The following ZFAT variants were observed in gnomAD, a reference collection of about 807,000 sequenced individuals.
ZFAT encodes the protein zinc finger and AT-hook domain containing, also known as zinc finger protein ZFAT.
A neutral mutation model predicts 117.7 loss-of-function variants in ZFAT; 64 were observed. The observed-to-expected ratio is 0.54, with a 90% CI of 0.44 to 0.67. The LOEUF (loss-of-function observed/expected upper bound fraction) is 0.67, where lower values mean the gene tolerates loss of function less well. ZFAT is among the 30% of genes least tolerant of loss of function. The pLI is 0.00. For missense variants in ZFAT, 1,433 were observed against 1,584.5 expected, an observed-to-expected ratio of 0.90 and a Z score of 1.62; for synonymous variants, 679 against 615.0, an observed-to-expected ratio of 1.10 and a Z score of -1.54.
At chr8:134,550,310 GAAAAAAAAAAAA>G (rs10680896) in intron 11 of ZFAT, among the ~76,000 whole-genome samples, 5 of 72,534 alleles carry the variant, frequency 6.9e-5, no homozygotes, top group Non-Finnish European at 1.0e-4. Flanking sequence ...GGTCACAACG[GAAAAAAAAAAAA>G]AAAAAAAAAA....
At chr8:134,832,049 AGCGCCCC>A in the ZFAT span, among the ~76,000 whole-genome samples, 43 of 147,854 alleles carry the variant, frequency 2.9e-4, no homozygotes, top group African/African-American at 9.4e-4. Flanking sequence ...TCCCGCTCCC[AGCGCCCC>A]GCGCCCCGAG....
chr8:134,547,809 G>A (rs1326266905), intron 11 of ZFAT, among the ~76,000 whole-genome samples: 3 of 152,190 alleles, frequency 2.0e-5, no homozygotes, highest in Admixed American at 6.5e-5. Context: ...CATCCTCCAG[G>A]GCCTGGCTCA....
intron 1 of ZFAT, among the ~76,000 whole-genome samples, chr8:134,672,722 A>G (rs1832620220): frequency 6.6e-6 from 1 of 152,346 alleles, no homozygotes; most frequent in South Asian, 2.1e-4. Flanking sequence ...GAAATGGCAC[A>G]ACATTTTTCA....
chr8:134,534,461 T>A (rs990430498), intron 11 of ZFAT, among the ~76,000 whole-genome samples: 12 of 152,190 alleles, frequency 7.9e-5, no homozygotes, highest in African/African-American at 2.9e-4. Context: ...TGTCCTCTCA[T>A]CTTTGAAGCT....
chr8:134,830,310 T>G, the ZFAT span, among the ~76,000 whole-genome samples: 2 of 152,304 alleles, frequency 1.3e-5, no homozygotes, highest in Non-Finnish European at 1.5e-5. Flanking sequence ...AGGAGCAAGA[T>G]GTAAAAGAGA....
chr8:134,575,652 A>G (rs571115988), intron 10 of ZFAT, among the ~76,000 whole-genome samples: 1 of 152,260 alleles, frequency 6.6e-6, no homozygotes, highest in Admixed American at 6.5e-5. Context: ...ACTGTTCAAG[A>G]CTGTTCAGGC....
intron 3 of ZFAT, among the ~76,000 whole-genome samples, chr8:134,613,785 T>C (rs1828524478): frequency 6.6e-6 from 1 of 152,170 alleles, no homozygotes; most frequent in Non-Finnish European, 1.5e-5. Context: ...ACCGCCTCTC[T>C]TCCTCAGCTG....
chr8:134,606,484 G>C (rs949693420), intron 5 of ZFAT, among the ~76,000 whole-genome samples: 2 of 152,178 alleles, frequency 1.3e-5, no homozygotes, highest in Non-Finnish European at 2.9e-5. Flanking sequence ...GGAGGCCAAG[G>C]CTGGTGGATA....
At chr8:134,606,718 ACT>A (rs2130951874) in intron 5 of ZFAT, among the ~76,000 whole-genome samples, 1 of 146,622 alleles carries the variant, frequency 6.8e-6, no homozygotes, top group East Asian at 2.0e-4. Context: ...ACAGAGTGAG[ACT>A]CTGTCTCAGA....
At chr8:134,504,503 C>T (rs1167842731) in intron 15 of ZFAT, among the ~76,000 whole-genome samples, 1 of 152,120 alleles carries the variant, frequency 6.6e-6, no homozygotes, top group Non-Finnish European at 1.5e-5. Flanking sequence ...GAGGCCAAGA[C>T]AAATGTCAGT....
At chr8:134,523,332 T>G (rs1021133064) in intron 12 of ZFAT, among the ~76,000 whole-genome samples, 1 of 152,124 alleles carries the variant, frequency 6.6e-6, no homozygotes, top group African/African-American at 2.4e-5. Flanking sequence ...ATCCACAAAC[T>G]AATGACTTTC....
At chr8:134,629,857 T>G (rs1239508770) in intron 3 of ZFAT, among the ~76,000 whole-genome samples, 1 of 152,188 alleles carries the variant, frequency 6.6e-6, no homozygotes, top group Non-Finnish European at 1.5e-5. Flanking sequence ...CACTGGCAAG[T>G]GAACTGTGGA....
chr8:134,624,766 T>G (rs1357868808), intron 3 of ZFAT, among the ~76,000 whole-genome samples: 2 of 152,186 alleles, frequency 1.3e-5, no homozygotes, highest in Non-Finnish European at 1.5e-5. Flanking sequence ...GTATCTCACA[T>G]GTAACTCGTA....
intron 12 of ZFAT, among the ~76,000 whole-genome samples, chr8:134,532,154 CACAAAGTTTTAATAATTTA>C (rs1821467639): frequency 6.6e-6 from 1 of 152,174 alleles, no homozygotes; most frequent in Non-Finnish European, 1.5e-5. Context: ...CAAAAAACCC[CACAAAGTTTTAATAATTTA>C]AAATGAAGAG....
the ZFAT span, among the ~76,000 whole-genome samples, chr8:134,781,002 T>A: frequency 6.6e-6 from 1 of 152,234 alleles, no homozygotes; most frequent in African/African-American, 2.4e-5. Flanking sequence ...CATAGTATTT[T>A]ATCATTTTTA....
rs576464580 is a variant in ZFAT at position 134,546,171 on chromosome 8, A to T, written c.2977-13199T>A. Reference sequence around the variant, plus strand: ...ATTGATACTATAACATATTCCAAAAATGAGGCTATAGTAGGAATTTCTCTC... The same window carrying T: ...ATTGATACTATAACATATTCCAAAATTGAGGCTATAGTAGGAATTTCTCTC... On this transcript the variant is annotated intron_variant, in intron 11 of 15. Transcript: ENST00000377838. 1.1e-3 allele frequency among the ~76,000 whole-genome samples: 163 copies of T among 152,354 alleles called. 1 individual carries two copies. Among genetic ancestry groups the T allele is most frequent in the African/African-American group, 3.7e-3 (155 of 41,580 alleles).
intron 1 of ZFAT, among the ~76,000 whole-genome samples, chr8:134,695,159 C>T (rs1833763467): frequency 6.6e-6 from 1 of 152,092 alleles, no homozygotes; most frequent in African/African-American, 2.4e-5. Context: ...TGGAGGAGCT[C>T]ACTCCAGACC....
the ZFAT span, among the ~76,000 whole-genome samples, chr8:134,722,463 C>T: frequency 0.75 from 113,569 of 152,158 alleles, 43,795 homozygotes; most frequent in Non-Finnish European, 0.85. Context: ...TACAAGCTCT[C>T]ACCTGGCCAG....
Position 134,637,604 on chromosome 8 carries a change from G to A in ZFAT, c.305C>T (p.Pro102Leu), listed in dbSNP as rs371757741. The change falls in exon 3 of 16, where the codon CCG (proline) becomes CTG (leucine). Residue 102 changes from proline (P) to leucine (L), a missense_variant. Pro to Leu is a moderately conservative substitution (Grantham distance 98). Transcript: ENST00000377838. ...GCTGTTCCCTTCCTCCGGAGCCAGC[G>A]GGCTGTCCTCAGTCGGACTCACGAT... is the stretch of plus-strand genomic sequence containing the variant. ...ENIVSPTEDS[P>L]LAPEEGNSLP... The A allele has an allele frequency of 5.1e-5, 82 of 1,614,074 alleles. No individual in the cohort carries two copies. Among genetic ancestry groups the A allele is most frequent in the South Asian group, 1.6e-4 (15 of 91,084 alleles).
Sources: allele counts gnomAD v4.1 joint callset (sites outside exome capture counted in the v4.1 genomes callset), GRCh38; gene constraint gnomAD v4.1.1; transcripts MANE v1.5; gene names NCBI Gene and HGNC (gene_info 2026-07-23, HGNC 2026-07-21).